The following MCF2L variants were observed in gnomAD, a reference collection of about 807,000 sequenced individuals.
The protein encoded by MCF2L is MCF.2 cell line derived transforming sequence like, also known as guanine nucleotide exchange factor DBS.
Under a neutral mutation model 153.4 loss-of-function variants are expected in MCF2L, and 97 were observed. The observed-to-expected ratio is 0.63, with a 90% CI of 0.54 to 0.75. The LOEUF (loss-of-function observed/expected upper bound fraction) is 0.75, where lower values mean the gene tolerates loss of function less well. Ranked by LOEUF, MCF2L falls within the 30% of genes least tolerant of loss-of-function variation. The pLI is 0.00. For synonymous variants in MCF2L, 659 were observed against 632.2 expected (o/e 1.04, Z -0.64); for missense variants, 1,347 against 1,495.2 (o/e 0.90, Z 1.64).
Position 113,024,769 on chromosome 13 carries a change from C to T in MCF2L, c.278+11C>T, listed in dbSNP as rs1331220271. ...CACCAGCATCCCCAGGTACGTGCAC[C>T]CAGAGCCCGGCAGACATTGTGGTTT... On this transcript the variant is annotated intron_variant, in intron 3 of 29. Coordinates refer to ENST00000535094, the MANE Select transcript of MCF2L (RefSeq NM_001112732.3). 2 of 1,600,358 alleles carry T rather than the reference C, an allele frequency of 1.2e-6. No individual in the cohort carries two copies. The highest frequency in any genetic ancestry group is 1.7e-6 in the Non-Finnish European group (2 of 1,167,626).
chr13:112,895,135 G>A (rs2081054073), intron 1 of MCF2L, among the ~76,000 whole-genome samples: 1 of 152,146 alleles, frequency 6.6e-6, no homozygotes, highest in Non-Finnish European at 1.5e-5. Flanking sequence ...GCCCTCTGTG[G>A]CTCTTCTCCC....
chr13:112,917,948 G>T (rs1020069113), intron 2 of MCF2L, among the ~76,000 whole-genome samples: 1 of 152,204 alleles, frequency 6.6e-6, no homozygotes, highest in Non-Finnish European at 1.5e-5. Context: ...GACACCTTCA[G>T]GGCTGAGCCC....
chr13:112,895,176 C>T (rs1186506573), intron 1 of MCF2L, among the ~76,000 whole-genome samples: 1 of 152,134 alleles, frequency 6.6e-6, no homozygotes, highest in Non-Finnish European at 1.5e-5. Flanking sequence ...GCTTCAGACC[C>T]TTATATAGGA....
chr13:112,895,455 C>T (rs999016212), intron 1 of MCF2L, among the ~76,000 whole-genome samples: 1 of 152,096 alleles, frequency 6.6e-6, no homozygotes, highest in African/African-American at 2.4e-5. Flanking sequence ...TGGTCCCCTC[C>T]CTGGCAAGCA....
At chr13:113,051,883 G>A (rs929525734) in intron 4 of MCF2L, among the ~76,000 whole-genome samples, 3 of 150,188 alleles carry the variant, frequency 2.0e-5, no homozygotes, top group East Asian at 2.0e-4. Context: ...ACGACAGCCC[G>A]TTAATCCGAG....
chr13:113,038,185 G>T (rs1349397776), intron 3 of MCF2L, among the ~76,000 whole-genome samples: 1 of 152,112 alleles, frequency 6.6e-6, no homozygotes, highest in African/African-American at 2.4e-5. Flanking sequence ...AATTAAAGGG[G>T]CCAGGCACAG....
intron 26 of MCF2L, 148 bp downstream of exon 26, chr13:113,089,876 G>C (rs140486938): frequency 9.9e-6 from 16 of 1,610,802 alleles, no homozygotes; most frequent in Non-Finnish European, 1.4e-5. Context: ...TCTTAACAGA[G>C]CCCTAGGACC....
At chr13:112,989,700 C>G (rs1242201840) in intron 1 of MCF2L, among the ~76,000 whole-genome samples, 1 of 151,446 alleles carries the variant, frequency 6.6e-6, no homozygotes, top group Non-Finnish European at 1.5e-5. Flanking sequence ...GCTACCACAC[C>G]CGAGTCCTCC....
At chr13:113,034,563 C>G (rs1225294086) in intron 3 of MCF2L, among the ~76,000 whole-genome samples, 1 of 151,706 alleles carries the variant, frequency 6.6e-6, no homozygotes, top group Admixed American at 6.6e-5. Flanking sequence ...TGGTCTCACC[C>G]TCGCCCTCAC....
At chr13:113,034,751 C>A (rs2086039510) in intron 3 of MCF2L, among the ~76,000 whole-genome samples, 2 of 152,230 alleles carry the variant, frequency 1.3e-5, no homozygotes, top group Admixed American at 6.5e-5. Flanking sequence ...AAAGACAAGG[C>A]CCGGGGTTGC....
chr13:113,057,680 GTTGGGTGCTGAGTGT>G (rs1464855514), intron 4 of MCF2L, among the ~76,000 whole-genome samples: 9 of 142,108 alleles, frequency 6.3e-5, no homozygotes, highest in South Asian at 2.4e-4. Context: ...GGTGCTGAGT[GTTGGGTGCTGAGTGT>G]TTGGGTGCTG....
chr13:113,090,304 T>C, intron 26 of MCF2L: 2 of 1,241,264 alleles, frequency 1.6e-6, no homozygotes, highest in Non-Finnish European at 2.1e-6. Context: ...CCTGATGCTG[T>C]GTCTCGCGCA....
intron 2 of MCF2L, among the ~76,000 whole-genome samples, chr13:112,910,871 T>C (rs961295770): frequency 6.6e-6 from 1 of 152,236 alleles, no homozygotes; most frequent in South Asian, 2.1e-4. Flanking sequence ...CTAACACTTT[T>C]CAAGGGGAAA....
chr13:113,078,550 C>T (rs909190590), intron 14 of MCF2L, 114 bp downstream of exon 14: 6 of 1,384,602 alleles, frequency 4.3e-6, no homozygotes, highest in Middle Eastern at 3.5e-4. Flanking sequence ...CTGGCCAGCT[C>T]CCCATCGTGG....
intron 26 of MCF2L, 31 bp from the exon 27 acceptor site, chr13:113,094,483 G>C: frequency 6.3e-7 from 1 of 1,594,160 alleles, no homozygotes; most frequent in Non-Finnish European, 8.5e-7. Context: ...TCATCACCGG[G>C]GGGTCCCTCA....
intron 3 of MCF2L, among the ~76,000 whole-genome samples, chr13:113,025,364 G>C (rs189367362): frequency 7.6e-5 from 4 of 52,936 alleles, no homozygotes; most frequent in Admixed American, 3.5e-4. Context: ...GTTTCGTCAT[G>C]GTGGGGTCCC....
intron 3 of MCF2L, chr13:113,044,755 C>A: frequency 6.2e-7 from 1 of 1,612,950 alleles, no homozygotes; most frequent in African/African-American, 1.3e-5. Flanking sequence ...GCTGCCTCCT[C>A]TCCCGTTTCC....
At chr13:112,950,083 CTTTCTT>C (rs1351442925) in intron 2 of MCF2L, among the ~76,000 whole-genome samples, 1 of 151,432 alleles carries the variant, frequency 6.6e-6, no homozygotes, top group African/African-American at 2.4e-5. Context: ...AGTCAATTGT[CTTTCTT>C]TGTAGAGCAT....
chr13:113,090,251 G>A, intron 26 of MCF2L: 3 of 1,382,362 alleles, frequency 2.2e-6, no homozygotes, highest in South Asian at 2.5e-5. Context: ...TCGTCACAAG[G>A]GCGGCCACGC....
Sources: allele counts gnomAD v4.1 joint callset (sites outside exome capture counted in the v4.1 genomes callset), GRCh38; gene constraint gnomAD v4.1.1; transcripts MANE v1.5; gene names NCBI Gene and HGNC (gene_info 2026-07-23, HGNC 2026-07-21).